MCTP1: variants seen among roughly 807,000 people sequenced by gnomAD.
MCTP1 encodes the protein multiple C2 and transmembrane domain-containing protein 1.
MCTP1 carries 69 observed loss-of-function variants against 120.6 expected under a neutral mutation model. The ratio of observed to expected loss-of-function variants is 0.57; its 90% confidence interval spans 0.47 to 0.70. MCTP1 has a LOEUF of 0.70. Among genes scored for constraint, MCTP1 ranks in the 30% least tolerant of loss-of-function variants. MCTP1 has a pLI of 0.00. For missense variants in MCTP1, 1,203 were observed against 1,248.8 expected, an observed-to-expected ratio of 0.96 and a Z score of 0.55; for synonymous variants, 529 against 493.1, an observed-to-expected ratio of 1.07 and a Z score of -0.96.
chr5:94,741,822 C>T (rs939758529), intron 19 of MCTP1, among the ~76,000 whole-genome samples: 6 of 152,236 alleles, frequency 3.9e-5, no homozygotes, highest in Admixed American at 2.0e-4. Context: ...GAATTCTACT[C>T]TGTGATTTAC....
chr5:94,869,484 C>A (rs1250946151), intron 16 of MCTP1, among the ~76,000 whole-genome samples: 1 of 152,104 alleles, frequency 6.6e-6, no homozygotes, highest in African/African-American at 2.4e-5. Context: ...TTAAGAACTA[C>A]TTTTATTACT....
chr5:94,768,684 A>T (rs1773377115), intron 19 of MCTP1, among the ~76,000 whole-genome samples: 1 of 152,208 alleles, frequency 6.6e-6, no homozygotes, highest in Non-Finnish European at 1.5e-5. Flanking sequence ...AACTACAATG[A>T]AATATCATTC....
chr5:94,790,409 G>A (rs557496042), intron 18 of MCTP1, among the ~76,000 whole-genome samples: 24 of 152,318 alleles, frequency 1.6e-4, no homozygotes, highest in East Asian at 1.5e-3. Context: ...ATGTTATCCC[G>A]TGGCTGGTTT....
At chr5:95,276,042 C>T (rs1313641342) in intron 1 of MCTP1, among the ~76,000 whole-genome samples, 9 of 152,078 alleles carry the variant, frequency 5.9e-5, no homozygotes, top group African/African-American at 1.2e-4. Flanking sequence ...GGGAGAAAAA[C>T]GTCCTTTATA....
At chr5:95,202,842 C>T (rs1049043795) in intron 1 of MCTP1, among the ~76,000 whole-genome samples, 6 of 152,278 alleles carry the variant, frequency 3.9e-5, no homozygotes, top group Non-Finnish European at 8.8e-5. Flanking sequence ...ATTCTCCTGC[C>T]TCAGCCTCCT....
intron 1 of MCTP1, among the ~76,000 whole-genome samples, chr5:95,228,216 A>C (rs1754502800): frequency 6.6e-6 from 1 of 152,120 alleles, no homozygotes; most frequent in African/African-American, 2.4e-5. Flanking sequence ...AAAGAACAAG[A>C]ACAACAACAA....
chr5:94,934,595 T>C (rs969166333), intron 5 of MCTP1, among the ~76,000 whole-genome samples: 7 of 151,888 alleles, frequency 4.6e-5, no homozygotes, highest in African/African-American at 1.7e-4. Flanking sequence ...ACTGTACATA[T>C]AAAGAAATCA....
rs149945586 is a variant in MCTP1, at chr5:95,176,071, T to C, written c.720+107785A>G. Among the ~76,000 whole-genome samples, 249 of 152,290 alleles carry C rather than the reference T, an allele frequency of 1.6e-3. 4 individuals are homozygous for C. Among genetic ancestry groups the C allele is most frequent in the African/African-American group, 5.7e-3 (236 of 41,552 alleles). On this transcript the variant is annotated intron_variant, in intron 1 of 22. Coordinates refer to ENST00000515393, the MANE Select transcript of MCTP1 (RefSeq NM_024717.7). The stretch of plus-strand genomic sequence containing the variant: ...CCCTATAAAATACTGGTGATTCCTA[T>C]TTATAGGCCTTCTTGCCTCCTTGAG...
Position 94,761,838 on chromosome 5 carries a change from T to C in MCTP1, c.2610+17272A>G, listed in dbSNP as rs77301650. On this transcript the variant is annotated intron_variant, in intron 19 of 22. Coordinates refer to ENST00000515393, the MANE Select transcript of MCTP1 (RefSeq NM_024717.7). The stretch of plus-strand genomic sequence containing the variant: ...CTAAGACAATGTGGGAAACGTGACA[T>C]TCTGGGACTTCCAAGGCTAGGTCAT... 6.3e-3 allele frequency among the ~76,000 whole-genome samples: 961 copies of C among 152,334 alleles called. 9 individuals carry two copies. The highest frequency in any genetic ancestry group is 0.021 in the African/African-American group (877 of 41,574).
chr5:95,136,645 G>A (rs1480192160), intron 1 of MCTP1, among the ~76,000 whole-genome samples: 4 of 152,176 alleles, frequency 2.6e-5, no homozygotes, highest in African/African-American at 7.2e-5. Context: ...TTTACAATGT[G>A]TCCGACTCTA....
intron 19 of MCTP1, among the ~76,000 whole-genome samples, chr5:94,776,841 C>T (rs534377906): frequency 1.6e-4 from 24 of 152,158 alleles, no homozygotes; most frequent in South Asian, 4.1e-4. Context: ...ATAGCCAAGA[C>T]GTAACATTTA....
At chr5:94,983,483 T>G (rs1829861691) in intron 2 of MCTP1, among the ~76,000 whole-genome samples, 1 of 152,170 alleles carries the variant, frequency 6.6e-6, no homozygotes. Context: ...GCTAGAGGCC[T>G]AAGCTGCCAT....
chr5:95,234,495 G>A (rs1429665821), intron 1 of MCTP1, among the ~76,000 whole-genome samples: 4 of 152,104 alleles, frequency 2.6e-5, no homozygotes, highest in Non-Finnish European at 5.9e-5. Context: ...AGTACAAGTT[G>A]GGTGACTTCT....
chr5:94,791,423 A>G lies in MCTP1; in HGVS notation c.2556+7590T>C, dbSNP rs912089828. On this transcript the variant is annotated intron_variant, in intron 18 of 22. Transcript: ENST00000515393. ...GGTGAGAAAACTGATTGAGTCTAGG[A>G]GTTCGAGGCTGCAGTGAGCTATGAT... Among the ~76,000 whole-genome samples the G allele has an allele frequency of 5.3e-5, 8 of 151,956 alleles. No homozygotes were observed. In the South Asian group the frequency reaches 6.2e-4, roughly 12 times the overall value.
chr5:95,245,112 A>G (rs983410917), intron 1 of MCTP1, among the ~76,000 whole-genome samples: 5 of 152,214 alleles, frequency 3.3e-5, no homozygotes, highest in African/African-American at 1.2e-4. Flanking sequence ...ACTAACAAAC[A>G]GAAAGGAATA....
chr5:94,921,589 T>C (rs946633530), intron 7 of MCTP1, among the ~76,000 whole-genome samples: 7 of 152,242 alleles, frequency 4.6e-5, no homozygotes, highest in African/African-American at 1.7e-4. Context: ...TCCTTTCATA[T>C]ACATCTCCTC....
intron 17 of MCTP1, among the ~76,000 whole-genome samples, chr5:94,848,238 T>G (rs1175095001): frequency 1.3e-5 from 2 of 152,072 alleles, no homozygotes; most frequent in Non-Finnish European, 2.9e-5. Flanking sequence ...AAAATAAATA[T>G]CTAAAATCAA....
chr5:94,798,942 C>T (rs1203022970), intron 18 of MCTP1, 71 bp downstream of exon 18: 1 of 1,508,872 alleles, frequency 6.6e-7, no homozygotes, highest in African/African-American at 1.4e-5. Flanking sequence ...AAGCCAAATT[C>T]AATGTTGATC....
intron 1 of MCTP1, among the ~76,000 whole-genome samples, chr5:95,174,462 A>G (rs1338501577): frequency 6.6e-6 from 1 of 152,248 alleles, no homozygotes; most frequent in East Asian, 1.9e-4. Flanking sequence ...TTATAAGAAC[A>G]AGCCTTCAAA....
Sources: allele counts gnomAD v4.1 joint callset (sites outside exome capture counted in the v4.1 genomes callset), GRCh38; gene constraint gnomAD v4.1.1; transcripts MANE v1.5; gene names NCBI Gene and HGNC (gene_info 2026-07-23, HGNC 2026-07-21).